The following RAB2B variants were observed in gnomAD, a reference collection of about 807,000 sequenced individuals.
RAB2B encodes the protein RAB2B, member RAS oncogene family.
Under a neutral mutation model 29.8 loss-of-function variants are expected in RAB2B, and 20 were observed. The observed-to-expected ratio is 0.67, with a 90% CI of 0.47 to 0.97. RAB2B has a LOEUF of 0.97. Among genes scored for constraint, RAB2B ranks in the 50% least tolerant of loss-of-function variants. RAB2B has a pLI of 0.00. For missense variants in RAB2B, 218 were observed against 272.0 expected (o/e 0.80, Z 1.40); for synonymous variants, 93 against 91.7 (o/e 1.01, Z -0.08).
chr14:21,461,367 G>C (rs185575161), intron 7 of RAB2B, 64 bp from the exon 8 acceptor site: 2 of 1,026,184 alleles, frequency 1.9e-6, no homozygotes, highest in Admixed American at 4.3e-5. Flanking sequence ...ACAGGAGGGG[G>C]CTATCTCTGC....
At chr14:21,465,112 C>A (rs1235139268) in intron 5 of RAB2B, among the ~76,000 whole-genome samples, 1 of 152,080 alleles carries the variant, frequency 6.6e-6, no homozygotes, top group Non-Finnish European at 1.5e-5. Context: ...AGTTTTCCAA[C>A]TCCTTGGAAA....
At chr14:21,475,480 G>T (rs961367095) in intron 2 of RAB2B, among the ~76,000 whole-genome samples, 7 of 148,308 alleles carry the variant, frequency 4.7e-5, no homozygotes, top group Admixed American at 1.4e-4. Flanking sequence ...ACCCAGGCTG[G>T]AGTGCAGTGG....
intron 5 of RAB2B, among the ~76,000 whole-genome samples, chr14:21,464,118 T>C (rs1411631328): frequency 6.6e-6 from 1 of 152,012 alleles, no homozygotes; most frequent in Non-Finnish European, 1.5e-5. Flanking sequence ...AAAAAAAAAC[T>C]TGGCTGGGCA....
At chr14:21,475,555 CAAGT>C (rs942853648) in intron 2 of RAB2B, among the ~76,000 whole-genome samples, 5 of 151,938 alleles carry the variant, frequency 3.3e-5, no homozygotes, top group Non-Finnish European at 1.5e-5. Flanking sequence ...CTCAGCCTCC[CAAGT>C]AAGTACCTTA....
chr14:21,472,063 T>G (rs1378585594), intron 3 of RAB2B, among the ~76,000 whole-genome samples: 1 of 152,156 alleles, frequency 6.6e-6, no homozygotes, highest in East Asian at 1.9e-4. Context: ...CAGTTTGAAG[T>G]ATCAACTCCT....
At position 21,462,326 on chromosome 14, in the gene RAB2B, G is replaced by A. The variant is rs147076226; in HGVS notation, c.543+24C>T. The stretch of plus-strand genomic sequence containing the variant: ...TATTCAGAACAAGCCAAAGTTAACT[G>A]CCAGCACTTCTACCCTTTCTTACCT... On this transcript the variant is annotated intron_variant, in intron 7 of 7. Coordinates refer to ENST00000397762, the MANE Select transcript of RAB2B (RefSeq NM_032846.4). 1.2e-4 allele frequency: 185 copies of A among 1,604,924 alleles called. 1 individual carries two copies. In the African/African-American group the frequency reaches 2.3e-3, roughly 20 times the overall value.
rs1890540520 is a variant in RAB2B, at chr14:21,460,987, G to A, written c.*209C>T. ...TTAAGAAATTTGTATAGGAGGATAA[G>A]AAGAACCCTAATCTATAGGGAATGC... On this transcript the variant is annotated 3_prime_UTR_variant, in exon 8 of 8. Transcript: ENST00000397762. 3 of 397,910 alleles carry A rather than the reference G, an allele frequency of 7.5e-6. No individual in the cohort carries two copies. Among genetic ancestry groups the A allele is most frequent in the South Asian group, 1.1e-4 (2 of 17,538 alleles). 24.6% of individuals were successfully genotyped at this position (397,910 alleles called of 1,614,324 possible).
intron 3 of RAB2B, among the ~76,000 whole-genome samples, chr14:21,470,938 A>G (rs1345638018): frequency 6.8e-6 from 1 of 147,594 alleles, no homozygotes; most frequent in Non-Finnish European, 1.5e-5. Flanking sequence ...TCACGAGGTC[A>G]GGAGTTTGAG....
intron 5 of RAB2B, among the ~76,000 whole-genome samples, chr14:21,465,674 T>A (rs1890669850): frequency 6.6e-6 from 1 of 152,192 alleles, no homozygotes; most frequent in African/African-American, 2.4e-5. Context: ...ATTTATTTAT[T>A]ATTATTTTTA....
intron 3 of RAB2B, among the ~76,000 whole-genome samples, chr14:21,472,265 C>T (rs559954789): frequency 1.3e-5 from 2 of 152,296 alleles, no homozygotes; most frequent in South Asian, 4.1e-4. Flanking sequence ...CGTGTATACA[C>T]ACACACACAC....
intron 3 of RAB2B, among the ~76,000 whole-genome samples, chr14:21,471,019 A>T (rs1211854740): frequency 3.7e-4 from 17 of 46,484 alleles, no homozygotes; most frequent in Middle Eastern, 0.012. Flanking sequence ...AAAAAAAAAA[A>T]AAAAATAGGT....
At chr14:21,463,248 CTTTTTT>C (rs36047568) in intron 6 of RAB2B, among the ~76,000 whole-genome samples, 2 of 138,560 alleles carry the variant, frequency 1.4e-5, no homozygotes, top group African/African-American at 2.7e-5. Flanking sequence ...GACATTCTTT[CTTTTTT>C]TTTTTTTTTG....
chr14:21,465,119 G>GA (rs1253841439), intron 5 of RAB2B, among the ~76,000 whole-genome samples: 1 of 152,020 alleles, frequency 6.6e-6, no homozygotes, highest in East Asian at 1.9e-4. Flanking sequence ...CAACTCCTTG[G>GA]AAAAAAAGTG....
In RAB2B at chr14:21,461,185, A is replaced by G. The variant is rs376736457; in HGVS notation, c.*11T>C. 6.9e-6 allele frequency: 11 copies of G among 1,597,500 alleles called. No individual in the cohort carries two copies. In the African/African-American group the frequency reaches 1.5e-4, roughly 22 times the overall value. ...ATTCCAGGAAGGACAAAAAAAGTTC[A>G]AGCCAGATGTTCAGCAGCAGCCAGA... On this transcript the variant is annotated 3_prime_UTR_variant, in exon 8 of 8. Transcript: ENST00000397762.
At chr14:21,470,993 CAAAAAAAAAAAAAA>C (rs869211285) in intron 3 of RAB2B, among the ~76,000 whole-genome samples, 9 of 98,790 alleles carry the variant, frequency 9.1e-5, no homozygotes, top group African/African-American at 2.6e-4. Flanking sequence ...GCTAAAAATA[CAAAAAAAAAAAAAA>C]AAAAAAAAAA....
At chr14:21,465,994 C>A (rs930465514) in intron 5 of RAB2B, among the ~76,000 whole-genome samples, 5 of 152,182 alleles carry the variant, frequency 3.3e-5, no homozygotes, top group African/African-American at 1.2e-4. Flanking sequence ...AAAGTAGGTA[C>A]CCTGTTATTC....
At position 21,460,025 on chromosome 14, in the gene RAB2B, T is replaced by C; in HGVS notation, c.*1171A>G. 1 of 390,022 alleles carries C rather than the reference T, an allele frequency of 2.6e-6. No individual in the cohort carries two copies. The highest frequency in any genetic ancestry group is 2.0e-5 in the South Asian group (1 of 51,272). 24.2% of individuals were successfully genotyped at this position (390,022 alleles called of 1,614,324 possible). A position where few individuals can be genotyped will look rare whatever the true frequency, so the allele number is the denominator to read the frequency against. ...ACCAACTTCACTGCTCTTAAAAGTT[T>C]TGAAGTTACACTAAGAGATAGAAGC... On this transcript the variant is annotated 3_prime_UTR_variant, in exon 8 of 8. Coordinates refer to ENST00000397762, the MANE Select transcript of RAB2B (RefSeq NM_032846.4).
intron 4 of RAB2B, 54 bp downstream of exon 4, chr14:21,468,616 A>AAT: frequency 2.1e-6 from 3 of 1,410,186 alleles, no homozygotes; most frequent in Non-Finnish European, 2.9e-6. Flanking sequence ...AAAAAAAAAA[A>AAT]GCTTTAGAGG....
chr14:21,476,633 G>C, intron 1 of RAB2B, 34 bp from the exon 2 acceptor site: 1 of 1,613,550 alleles, frequency 6.2e-7, no homozygotes, highest in Non-Finnish European at 8.5e-7. Flanking sequence ...GAATCACGCA[G>C]CCCTGGAACA....
Sources: allele counts gnomAD v4.1 joint callset (sites outside exome capture counted in the v4.1 genomes callset), GRCh38; gene constraint gnomAD v4.1.1; transcripts MANE v1.5; gene names NCBI Gene and HGNC (gene_info 2026-07-23, HGNC 2026-07-21).